The following CRLF2 variants were observed in gnomAD, a reference collection of about 807,000 sequenced individuals.
CRLF2 encodes the protein cytokine receptor-like factor 2.
CRLF2 carries 41 observed loss-of-function variants against 38.7 expected under a neutral mutation model. The ratio of observed to expected loss-of-function variants is 1.06; its 90% CI spans 0.83 to 1.37. The LOEUF (loss-of-function observed/expected upper bound fraction) is 1.37. CRLF2 is among the 40% of genes most tolerant of loss of function. The pLI, the probability that CRLF2 is intolerant of heterozygous loss-of-function variation, is 0.00. For missense variants in CRLF2, 377 were observed against 322.2 expected (o/e 1.17, Z -1.30); for synonymous variants, 140 against 128.8 (o/e 1.09, Z -0.59).
At chrX:1,197,134 C>G (rs1429842477) in intron 5 of CRLF2, among the ~76,000 whole-genome samples, 4 of 134,370 alleles carry the variant, frequency 3.0e-5, no homozygotes, top group Non-Finnish European at 4.6e-5. Context: ...ACTCTGTTGC[C>G]CAGGCTGGAG....
At chrX:1,197,984 A>G (rs149240037) in intron 5 of CRLF2, among the ~76,000 whole-genome samples, 14,402 of 152,032 alleles carry the variant, frequency 0.095, 754 homozygotes, top group Middle Eastern at 0.14. Context: ...CCTGGGCACC[A>G]TGAGAATGTT....
chrX:1,202,386 C>T lies in CRLF2; in HGVS notation c.483+16G>A, dbSNP rs191033766. On this transcript the variant is annotated intron_variant, in intron 4 of 7. Transcript: ENST00000400841. ...GCTCAGCCACCATCGCCCTGAGTCG[C>T]GGCCGCCCGGCTCACCTGCCACTCG... 2.6e-4 allele frequency: 415 copies of T among 1,613,376 alleles called. 2 individuals carry two copies. In the East Asian group the frequency reaches 8.1e-3, roughly 31 times the overall value.
chrX:1,192,943 C>T (rs1397617250), intron 7 of CRLF2, among the ~76,000 whole-genome samples: 2 of 151,032 alleles, frequency 1.3e-5, no homozygotes, highest in Admixed American at 1.3e-4. Context: ...CCTCCAGAGT[C>T]GCTGGGATTA....
In CRLF2 at chrX:1,190,872, G is replaced by A. The variant is rs1443642482; in HGVS notation, c.*25C>T. On this transcript the variant is annotated 3_prime_UTR_variant, in exon 8 of 8. Transcript: ENST00000400841. ...TTTAAATGTCAACGTGGATCCTGACGTTGACTTTGACAGTGGTGTGTCCAT... is the reference window on the plus strand; with the variant it reads ...TTTAAATGTCAACGTGGATCCTGACATTGACTTTGACAGTGGTGTGTCCAT... 3.0e-5 allele frequency: 12 copies of A among 398,570 alleles called. No homozygotes were observed. The highest frequency in any genetic ancestry group is 4.9e-5 in the Non-Finnish European group (11 of 226,102). 24.7% of individuals were successfully genotyped at this position (398,570 alleles called of 1,614,324 possible). A position where few individuals can be genotyped will look rare whatever the true frequency, so the allele number is the denominator to read the frequency against.
chrX:1,194,767 C>T (rs1352904305), intron 6 of CRLF2, among the ~76,000 whole-genome samples: 3 of 152,092 alleles, frequency 2.0e-5, no homozygotes, highest in African/African-American at 7.2e-5. Context: ...AGTGGTGGCT[C>T]ACGCCTGTCA....
chrX:1,212,525 TACA>T (rs2086823268), intron 1 of CRLF2, 28 bp downstream of exon 1: 7 of 1,551,024 alleles, frequency 4.5e-6, no homozygotes, highest in Non-Finnish European at 5.3e-6. Context: ...CAAACCAAAA[TACA>T]ACAAGAAGAG....
At chrX:1,194,981 G>A (rs1220096048) in intron 6 of CRLF2, among the ~76,000 whole-genome samples, 23 of 151,944 alleles carry the variant, frequency 1.5e-4, no homozygotes, top group Non-Finnish European at 3.1e-4. Context: ...GCAGTGAGCC[G>A]AGATCATGCC....
At position 1,206,572 on chromosome X, in the gene CRLF2, C is replaced by CACCA. The variant is rs1481220454; in HGVS notation, c.209_210insTGGT (p.Gln70HisfsTer72). ...CTTCCTGGAGAAGGTAGTTGGTGCACTGGTCATAGGCCTCATCACCGTTGA... is the reference window on the plus strand; with the variant it reads ...CTTCCTGGAGAAGGTAGTTGGTGCACACCATGGTCATAGGCCTCATCACCGTTGA... On this transcript the variant is annotated frameshift_variant, in exon 3 of 8. Coordinates refer to ENST00000400841, the MANE Select transcript of CRLF2 (RefSeq NM_022148.4). LOFTEE classifies it high-confidence loss of function. 6.2e-7 allele frequency: 1 copy of CACCA among 1,613,658 alleles called. No homozygotes were observed. Among genetic ancestry groups the CACCA allele is most frequent in the Non-Finnish European group, 8.5e-7 (1 of 1,179,656 alleles).
intron 1 of CRLF2, 109 bp downstream of exon 1, chrX:1,212,447 G>C: frequency 2.0e-6 from 1 of 511,156 alleles, no homozygotes; most frequent in Non-Finnish European, 3.3e-6. Flanking sequence ...AAGAAAAGAA[G>C]AAAGAAACCT....
intron 1 of CRLF2, among the ~76,000 whole-genome samples, chrX:1,211,241 GTGGGTGGATGGATGGGTGGATGGATGGA>G: frequency 7.0e-6 from 1 of 143,546 alleles, no homozygotes; most frequent in Non-Finnish European, 1.5e-5. Context: ...GGATGGGTGG[GTGGGTGGATGGATGGGTGGATGGATGGA>G]TGGATGGATG....
At chrX:1,211,262 T>A (rs2086793032) in intron 1 of CRLF2, among the ~76,000 whole-genome samples, 1 of 141,008 alleles carries the variant, frequency 7.1e-6, no homozygotes, top group East Asian at 2.1e-4. Flanking sequence ...GATGGGTGGA[T>A]GGATGGATGG....
Position 1,190,672 on chromosome X carries a change from C to G in CRLF2, c.*225G>C. The G allele has an allele frequency of 2.5e-6, 1 of 397,066 alleles. No homozygotes were observed. The highest frequency in any genetic ancestry group is 4.4e-6 in the Non-Finnish European group (1 of 225,614). The allele number at this position is 397,066 out of a possible 1,614,324, so 24.6% of individuals were successfully genotyped here. The stretch of plus-strand genomic sequence containing the variant: ...GGAGTAAATCTCCTGGAGCAATTGG[C>G]TCCCATCTGCCATCAAGCCTTTGAA... On this transcript the variant is annotated 3_prime_UTR_variant, in exon 8 of 8. Transcript: ENST00000400841.
chrX:1,200,528 T>G, intron 4 of CRLF2, among the ~76,000 whole-genome samples: 1 of 151,472 alleles, frequency 6.6e-6, no homozygotes, highest in South Asian at 2.1e-4. Context: ...TACGTGTATA[T>G]AAGCTGTGTA....
intron 5 of CRLF2, among the ~76,000 whole-genome samples, chrX:1,198,006 CAAAA>C (rs1252938052): frequency 6.6e-6 from 1 of 151,740 alleles, no homozygotes; most frequent in Non-Finnish European, 1.5e-5. Flanking sequence ...CTCAAAAAAA[CAAAA>C]GAAAGAAAAC....
At chrX:1,206,164 T>C (rs1302302830) in intron 3 of CRLF2, among the ~76,000 whole-genome samples, 1 of 152,072 alleles carries the variant, frequency 6.6e-6, no homozygotes, top group East Asian at 1.9e-4. Flanking sequence ...GTACTTACGG[T>C]AATAAGCTGA....
intron 1 of CRLF2, among the ~76,000 whole-genome samples, chrX:1,210,068 C>T (rs2086767329): frequency 6.8e-6 from 1 of 146,896 alleles, no homozygotes. Flanking sequence ...CGTGTCACTG[C>T]ACTCCAGCCT....
intron 3 of CRLF2, among the ~76,000 whole-genome samples, chrX:1,203,478 C>T (rs1255617986): frequency 1.3e-4 from 19 of 151,350 alleles, no homozygotes; most frequent in African/African-American, 3.2e-4. Flanking sequence ...TGGAAATAGG[C>T]TCTCTGCAGA....
Position 1,191,028 on chromosome X carries a change from G to T in CRLF2, c.985C>A (p.Pro329Thr), listed in dbSNP as rs1304652084. ...TEAESPRMLDPQTEEKEASGG... is the reference protein window; with the variant it reads ...TEAESPRMLDTQTEEKEASGG... ...GAGGCCTCTTTCTCCTCGGTCTGTG[G>T]GTCCAGCATCCTGGGAGACTCGGCT... is the stretch of plus-strand genomic sequence containing the variant. Residue 329 changes from proline (P) to threonine (T), a missense_variant, in exon 8 of 8, where the codon CCA (proline) becomes ACA (threonine). Coordinates refer to ENST00000400841, the MANE Select transcript of CRLF2 (RefSeq NM_022148.4). 3 of 398,538 alleles carry T rather than the reference G, an allele frequency of 7.5e-6. No homozygotes were observed. Among genetic ancestry groups the T allele is most frequent in the Non-Finnish European group, 1.3e-5 (3 of 226,140 alleles). The allele number at this position is 398,538 out of a possible 1,614,324, so 24.7% of individuals were successfully genotyped here.
At chrX:1,210,797 TA>T (rs2086783602) in intron 1 of CRLF2, among the ~76,000 whole-genome samples, 1 of 152,034 alleles carries the variant, frequency 6.6e-6, no homozygotes. Context: ...CAGACACAGA[TA>T]GATAGGGATG....
Sources: allele counts gnomAD v4.1 joint callset (sites outside exome capture counted in the v4.1 genomes callset), GRCh38; gene constraint gnomAD v4.1.1; transcripts MANE v1.5; gene names NCBI Gene and HGNC (gene_info 2026-07-23, HGNC 2026-07-21).